EYS: variants seen among roughly 807,000 people sequenced by gnomAD.
EYS encodes EGF-like photoreceptor maintenance factor.
A neutral mutation model predicts 282.1 loss-of-function variants in EYS; 250 were observed. That is an observed-to-expected ratio of 0.89 (90% confidence interval 0.80 to 0.98). The LOEUF (loss-of-function observed/expected upper bound fraction) is 0.98. EYS is among the 50% of genes least tolerant of loss of function. EYS has a pLI of 0.00. For missense variants in EYS, 4,016 were observed against 3,709.0 expected, an observed-to-expected ratio of 1.08 and a Z score of -2.15; for synonymous variants, 1,355 against 1,282.9, an observed-to-expected ratio of 1.06 and a Z score of -1.20.
chr6:65,301,968 T>C (rs1768850300), intron 11 of EYS, among the ~76,000 whole-genome samples: 1 of 152,278 alleles, frequency 6.6e-6, no homozygotes, highest in Admixed American at 6.5e-5. Context: ...TGAAGAAATC[T>C]TGAAGACCAG....
intron 31 of EYS, among the ~76,000 whole-genome samples, chr6:64,215,018 T>A (rs1020499566): frequency 2.0e-5 from 3 of 152,014 alleles, no homozygotes; most frequent in Non-Finnish European, 4.4e-5. Flanking sequence ...TGATTGCAAG[T>A]CATTTCATTG....
intron 12 of EYS, among the ~76,000 whole-genome samples, chr6:65,103,001 T>G (rs1415963629): frequency 1.3e-5 from 2 of 151,398 alleles, no homozygotes; most frequent in South Asian, 2.1e-4. Flanking sequence ...CTATTTTGTT[T>G]TTCTTGTTTT....
rs1430566899 is a variant in EYS at position 64,420,712 on chromosome 6, T to C, written c.5927+15462A>G. Among the ~76,000 whole-genome samples, 3 of 152,182 alleles carry C rather than the reference T, an allele frequency of 2.0e-5. No individual in the cohort carries two copies. In the South Asian group the frequency reaches 6.2e-4, roughly 31 times the overall value. ...TGCCAGATACCCTAAATCATCTCTC[T>C]CATGTTTAAAGTTCCACAGATCTCT... On this transcript the variant is annotated intron_variant, in intron 28 of 42. Transcript: ENST00000503581.
intron 33 of EYS, among the ~76,000 whole-genome samples, chr6:64,040,273 T>C (rs1009534464): frequency 6.6e-6 from 1 of 152,196 alleles, no homozygotes; most frequent in African/African-American, 2.4e-5. Flanking sequence ...TGGTGATATA[T>C]GGAAGATGCC....
At chr6:65,307,071 G>A (rs147284147) in intron 11 of EYS, among the ~76,000 whole-genome samples, 6 of 144,502 alleles carry the variant, frequency 4.2e-5, no homozygotes, top group Non-Finnish European at 7.7e-5. Flanking sequence ...AGGGTGGTCC[G>A]CAATGCCTCC....
intron 1 of EYS, among the ~76,000 whole-genome samples, chr6:65,666,943 A>T (rs9351516): frequency 0.05 from 7,482 of 151,050 alleles, 433 homozygotes; most frequent in East Asian, 0.32. Context: ...GTAAATCTAC[A>T]TTGCCACCCA....
intron 11 of EYS, among the ~76,000 whole-genome samples, chr6:65,309,619 T>G (rs1405368622): frequency 2.6e-5 from 4 of 152,088 alleles, no homozygotes; most frequent in Non-Finnish European, 5.9e-5. Context: ...CCCAAAATAT[T>G]GGAGCATTAG....
rs535368616 is a variant in EYS at position 63,975,294 on chromosome 6, T to C, written c.7055+9089A>G. Among the ~76,000 whole-genome samples the C allele has an allele frequency of 6.6e-5, 10 of 152,096 alleles. No individual in the cohort carries two copies. The East Asian group carries it at 1.4e-3, about 21-fold the overall frequency. ...TCCATGTCTTATTTGTCTTTATGAA[T>C]CCCACGATCATTACACTGCTTAACA... On this transcript the variant is annotated intron_variant, in intron 35 of 42. Coordinates refer to ENST00000503581, the MANE Select transcript of EYS (RefSeq NM_001142800.2).
intron 31 of EYS, among the ~76,000 whole-genome samples, chr6:64,174,813 C>T (rs1353871254): frequency 1.3e-5 from 2 of 151,894 alleles, no homozygotes; most frequent in Non-Finnish European, 2.9e-5. Flanking sequence ...ATGTCTTGAT[C>T]ATATTTGTTT....
chr6:64,812,223 G>C (rs1473664697), intron 22 of EYS, among the ~76,000 whole-genome samples: 2 of 146,020 alleles, frequency 1.4e-5, no homozygotes, highest in Admixed American at 7.3e-5. Flanking sequence ...CAAGATACGA[G>C]AAAGAAGGAT....
intron 30 of EYS, among the ~76,000 whole-genome samples, chr6:64,292,379 T>A (rs1202839425): frequency 6.6e-6 from 1 of 152,096 alleles, no homozygotes; most frequent in Non-Finnish European, 1.5e-5. Context: ...GGTCCAAAAG[T>A]TTAAAAAATA....
In EYS at chr6:63,721,524, G is replaced by A. The variant is rs1476966143; in HGVS notation, c.8507C>T (p.Ala2836Val). The stretch of plus-strand genomic sequence containing the variant: ...AAAACCTACAGGTTCATTTTCTATT[G>A]CCATGGGATTTACAAGATTTAAAGA... Reference protein sequence around the residue: ...VSSLNLVNPMAIENEPVGFQG... With the variant: ...VSSLNLVNPMVIENEPVGFQG... Residue 2836 changes from alanine to valine, a missense_variant, in exon 43 of 43, where the codon GCA (alanine) becomes GTA (valine). Coordinates refer to ENST00000503581, the MANE Select transcript of EYS (RefSeq NM_001142800.2). 4 of 1,551,036 alleles carry A rather than the reference G, an allele frequency of 2.6e-6. No individual in the cohort carries two copies. The highest frequency in any genetic ancestry group is 3.5e-6 in the Non-Finnish European group (4 of 1,146,400).
At chr6:65,690,747 C>G (rs1769213102) in intron 1 of EYS, among the ~76,000 whole-genome samples, 1 of 150,046 alleles carries the variant, frequency 6.7e-6, no homozygotes, top group Non-Finnish European at 1.5e-5. Context: ...CAGCCCACAA[C>G]AGGCCCCCAA....
chr6:64,000,084 C>G (rs1768008983), intron 33 of EYS, among the ~76,000 whole-genome samples: 1 of 146,792 alleles, frequency 6.8e-6, no homozygotes, highest in Admixed American at 6.9e-5. Flanking sequence ...AAATTTTGGA[C>G]AACGATCAGA....
At chr6:64,110,398 C>T (rs963409072) in intron 31 of EYS, among the ~76,000 whole-genome samples, 1 of 151,816 alleles carries the variant, frequency 6.6e-6, no homozygotes, top group Non-Finnish European at 1.5e-5. Context: ...GATGGATATA[C>T]CATGTTATAA....
chr6:65,446,787 A>T (rs993077734), intron 5 of EYS, among the ~76,000 whole-genome samples: 14 of 151,520 alleles, frequency 9.2e-5, no homozygotes, highest in African/African-American at 3.1e-4. Flanking sequence ...TGAAATAAAT[A>T]ACTAATATAT....
chr6:64,355,853 G>T (rs1047095922), intron 29 of EYS, among the ~76,000 whole-genome samples: 2 of 151,656 alleles, frequency 1.3e-5, no homozygotes, highest in Admixed American at 6.6e-5. Flanking sequence ...GTCCACAAGA[G>T]ATGAGCTTCA....
At chr6:64,190,234 T>A (rs1381348396) in intron 31 of EYS, among the ~76,000 whole-genome samples, 4 of 152,120 alleles carry the variant, frequency 2.6e-5, no homozygotes. Context: ...ACCCTCAGGG[T>A]GAAACATGTA....
At chr6:63,759,140 A>G (rs1241864976) in intron 41 of EYS, among the ~76,000 whole-genome samples, 2 of 152,130 alleles carry the variant, frequency 1.3e-5, no homozygotes, top group Non-Finnish European at 2.9e-5. Flanking sequence ...AACCTCATAG[A>G]TATGTCTCTT....
Sources: gnomAD v4.1 joint callset for allele counts (sites outside exome capture counted in the v4.1 genomes callset) on GRCh38, gnomAD v4.1.1 for gene constraint, MANE v1.5 for transcripts, NCBI Gene and HGNC (gene_info 2026-07-23, HGNC 2026-07-21) for gene names.